The following PPP1R9A variants were observed in gnomAD, a reference collection of about 807,000 sequenced individuals.
PPP1R9A encodes neurabin-1.
A neutral mutation model predicts 141.9 loss-of-function variants in PPP1R9A; 59 were observed. The observed-to-expected ratio is 0.42, with a 90% CI of 0.34 to 0.52. The LOEUF (loss-of-function observed/expected upper bound fraction) is 0.52. PPP1R9A is among the 20% of genes least tolerant of loss of function. The pLI is 0.10. For missense variants in PPP1R9A, 1,444 were observed against 1,611.9 expected (o/e 0.90, Z 1.78); for synonymous variants, 500 against 569.7 (o/e 0.88, Z 1.74).
chr7:95,171,307 A>G (rs1832077016), intron 5 of PPP1R9A, among the ~76,000 whole-genome samples: 1 of 151,658 alleles, frequency 6.6e-6, no homozygotes, highest in Admixed American at 6.6e-5. Context: ...ATTTTTAGAA[A>G]GTAAGTCTCA....
Position 95,089,067 on chromosome 7 carries a change from G to A in PPP1R9A, c.1396-22192G>A, listed in dbSNP as rs559298032. ...AGATCTTCTGAGTCACCATGCCAAC[G>A]TCTATTTATAAGTAGGAATGCTAAT... is the stretch of plus-strand genomic sequence containing the variant. On this transcript the variant is annotated intron_variant, in intron 2 of 19. Coordinates refer to ENST00000433360, the MANE Select transcript of PPP1R9A (RefSeq NM_001166160.2). Among the ~76,000 whole-genome samples the A allele has an allele frequency of 5.9e-5, 9 of 152,030 alleles. No individual in the cohort carries two copies. The South Asian group carries it at 1.5e-3, about 25-fold the overall frequency.
chr7:95,167,733 A>T (rs1358557122), intron 5 of PPP1R9A, among the ~76,000 whole-genome samples: 2 of 152,174 alleles, frequency 1.3e-5, no homozygotes, highest in Non-Finnish European at 2.9e-5. Flanking sequence ...GCATACAGAA[A>T]ATAAGTGCTG....
intron 2 of PPP1R9A, among the ~76,000 whole-genome samples, chr7:94,970,007 T>A (rs1308748481): frequency 6.6e-6 from 1 of 152,154 alleles, no homozygotes; most frequent in East Asian, 1.9e-4. Flanking sequence ...CCCACCAAGC[T>A]GGGGTGTCCC....
At chr7:95,212,465 T>C (rs970311519) in intron 7 of PPP1R9A, among the ~76,000 whole-genome samples, 3 of 152,200 alleles carry the variant, frequency 2.0e-5, no homozygotes, top group Non-Finnish European at 4.4e-5. Flanking sequence ...ATGAGGCTAC[T>C]CTTAGTTACT....
At chr7:95,193,427 A>T (rs1198175610) in intron 5 of PPP1R9A, among the ~76,000 whole-genome samples, 1 of 152,042 alleles carries the variant, frequency 6.6e-6, no homozygotes, top group African/African-American at 2.4e-5. Flanking sequence ...AAATTATGTT[A>T]AATTGTAGGG....
chr7:95,039,894 C>T (rs1808980452), intron 2 of PPP1R9A, among the ~76,000 whole-genome samples: 1 of 152,008 alleles, frequency 6.6e-6, no homozygotes, highest in Non-Finnish European at 1.5e-5. Context: ...GATAGAAACC[C>T]ACAAACACAG....
At chr7:95,206,744 GCTT>G (rs1303207861) in intron 7 of PPP1R9A, among the ~76,000 whole-genome samples, 2 of 152,072 alleles carry the variant, frequency 1.3e-5, no homozygotes, top group African/African-American at 4.8e-5. Flanking sequence ...TTCTTGAACT[GCTT>G]CTTTCACTCA....
At chr7:94,981,352 G>A (rs958936795) in intron 2 of PPP1R9A, among the ~76,000 whole-genome samples, 15 of 152,220 alleles carry the variant, frequency 9.9e-5, no homozygotes, top group African/African-American at 3.6e-4. Flanking sequence ...CAATTCTCCT[G>A]CCTCAGCCTC....
intron 2 of PPP1R9A, among the ~76,000 whole-genome samples, chr7:95,087,575 A>T (rs904783382): frequency 9.9e-5 from 15 of 151,998 alleles, no homozygotes; most frequent in Non-Finnish European, 2.2e-4. Flanking sequence ...TTTAACCTTG[A>T]AGGATAAGTA....
chr7:94,962,683 A>G (rs1182129932), intron 2 of PPP1R9A, among the ~76,000 whole-genome samples: 1 of 152,152 alleles, frequency 6.6e-6, no homozygotes, highest in African/African-American at 2.4e-5. Flanking sequence ...ATACATTGAA[A>G]TGATGTATGT....
chr7:95,226,309 A>G (rs553844097), intron 8 of PPP1R9A, among the ~76,000 whole-genome samples, 193 bp downstream of exon 8: 4 of 152,150 alleles, frequency 2.6e-5, no homozygotes, highest in African/African-American at 9.7e-5. Context: ...TTAAACGCTT[A>G]TTTGTCATAG....
chr7:94,912,335 G>A (rs1317596274), intron 2 of PPP1R9A, among the ~76,000 whole-genome samples: 1 of 152,128 alleles, frequency 6.6e-6, no homozygotes, highest in African/African-American at 2.4e-5. Context: ...ATGGCAATAG[G>A]GGCAGGAGGT....
intron 2 of PPP1R9A, among the ~76,000 whole-genome samples, chr7:94,924,424 T>C (rs1793206290): frequency 6.6e-6 from 1 of 152,218 alleles, no homozygotes; most frequent in African/African-American, 2.4e-5. Context: ...CATTTGCAGA[T>C]GTGGCAATCA....
At chr7:95,213,600 A>G (rs1480473234) in intron 7 of PPP1R9A, among the ~76,000 whole-genome samples, 7 of 152,142 alleles carry the variant, frequency 4.6e-5, no homozygotes, top group African/African-American at 1.2e-4. Context: ...TTGGGATTAC[A>G]GGTGTGAGCC....
rs1796450871 is a variant in PPP1R9A, at chr7:95,234,780, C to A, written c.2112+8664C>A. Among the ~76,000 whole-genome samples, 3 of 151,676 alleles carry A rather than the reference C, an allele frequency of 2.0e-5. No homozygotes were observed. The South Asian group carries it at 6.2e-4, about 31-fold the overall frequency. ...ATTACCCAACTTCAAACTATACTATCAGTCACCGATATAGCATGGTACTGG... is the reference window on the plus strand; with the variant it reads ...ATTACCCAACTTCAAACTATACTATAAGTCACCGATATAGCATGGTACTGG... On this transcript the variant is annotated intron_variant, in intron 8 of 19. Coordinates refer to ENST00000433360, the MANE Select transcript of PPP1R9A (RefSeq NM_001166160.2).
Position 95,286,262 on chromosome 7 carries a change from C to T in PPP1R9A, c.3666C>T (p.Ser1222=), listed in dbSNP as rs376307508. ...GCAGTACCAGTTCAGCAGACCTCAG[C>T]GGCTTAGGAGCAGAACCTAAAACAC... ...SPSSTSSADL[S]GLGAEPKTPG... Residue 1222 remains serine (S), a synonymous_variant, in exon 18 of 20, where the codon AGC becomes AGT. Coordinates refer to ENST00000433360, the MANE Select transcript of PPP1R9A (RefSeq NM_001166160.2). The T allele has an allele frequency of 1.9e-5, 30 of 1,613,502 alleles. No homozygotes were observed. The African/African-American group carries it at 2.3e-4, about 12-fold the overall frequency.
At chr7:94,946,042 G>A (rs1209178797) in intron 2 of PPP1R9A, among the ~76,000 whole-genome samples, 1 of 152,042 alleles carries the variant, frequency 6.6e-6, no homozygotes, top group African/African-American at 2.4e-5. Context: ...AATTTATTGT[G>A]ATTAAAGATA....
chr7:95,259,886 G>T (rs1420467700), intron 12 of PPP1R9A, among the ~76,000 whole-genome samples: 1 of 152,122 alleles, frequency 6.6e-6, no homozygotes, highest in Admixed American at 6.5e-5. Context: ...TTCTAGAGTA[G>T]ATTCAGCCTT....
intron 3 of PPP1R9A, among the ~76,000 whole-genome samples, chr7:95,119,569 G>A (rs975343754): frequency 6.6e-6 from 1 of 151,908 alleles, no homozygotes; most frequent in Non-Finnish European, 1.5e-5. Flanking sequence ...ATCCTCCCAC[G>A]TCAGCCCCCA....
Sources: gnomAD v4.1 joint callset for allele counts (sites outside exome capture counted in the v4.1 genomes callset) on GRCh38, gnomAD v4.1.1 for gene constraint, MANE v1.5 for transcripts, NCBI Gene and HGNC (gene_info 2026-07-23, HGNC 2026-07-21) for gene names.